The following XRN2 variants were observed in gnomAD, a reference collection of about 807,000 sequenced individuals.
The protein encoded by XRN2 is DHM1-like protein.
Under a neutral mutation model 138.5 loss-of-function variants are expected in XRN2, and 44 were observed. The observed-to-expected ratio is 0.32, with a 90% CI of 0.25 to 0.41. The LOEUF (loss-of-function observed/expected upper bound fraction) is 0.41, where lower values mean the gene tolerates loss of function less well. Ranked by LOEUF, XRN2 falls within the 10% of genes least tolerant of loss-of-function variation. The pLI is 1.00. For synonymous variants in XRN2, 354 were observed against 369.4 expected, an observed-to-expected ratio of 0.96 and a Z score of 0.48; for missense variants, 937 against 1,169.3, an observed-to-expected ratio of 0.80 and a Z score of 2.90.
At chr20:21,351,785 C>G (rs1219383148) in intron 20 of XRN2, among the ~76,000 whole-genome samples, 1 of 152,162 alleles carries the variant, frequency 6.6e-6, no homozygotes, top group African/African-American at 2.4e-5. Flanking sequence ...AATGGTCCAA[C>G]TTCATTCTTT....
chr20:21,326,220 G>T (rs2038126645), intron 1 of XRN2, 59 bp from the exon 2 acceptor site: 2 of 1,553,254 alleles, frequency 1.3e-6, no homozygotes, highest in East Asian at 4.5e-5. Context: ...ATTGAGCCTA[G>T]GATCTGTCAT....
intron 27 of XRN2, among the ~76,000 whole-genome samples, chr20:21,372,665 G>GT (rs954890022): frequency 6.6e-6 from 1 of 152,178 alleles, no homozygotes; most frequent in East Asian, 1.9e-4. Context: ...TTTACATATA[G>GT]TTTTTTATTG....
intron 28 of XRN2, among the ~76,000 whole-genome samples, chr20:21,386,646 T>G (rs956464932): frequency 6.6e-6 from 1 of 152,210 alleles, no homozygotes; most frequent in African/African-American, 2.4e-5. Context: ...AACTTCTCAG[T>G]TGAGTTTAAA....
chr20:21,316,748 T>G lies in XRN2; in HGVS notation c.76-9531T>G, dbSNP rs138187729. ...GGAGTATTGTCATCTTAATGTTGAG[T>G]CTTGTGTTCCATAAATATGGGATGT... On this transcript the variant is annotated intron_variant, in intron 1 of 29. Coordinates refer to ENST00000377191, the MANE Select transcript of XRN2 (RefSeq NM_012255.5). 6.4e-3 allele frequency among the ~76,000 whole-genome samples: 976 copies of G among 152,330 alleles called. 11 individuals carry two copies. Among genetic ancestry groups the G allele is most frequent in the African/African-American group, 0.023 (950 of 41,574 alleles).
intron 24 of XRN2, among the ~76,000 whole-genome samples, chr20:21,360,437 A>C (rs946753988): frequency 4.0e-5 from 6 of 148,676 alleles, no homozygotes; most frequent in Non-Finnish European, 8.9e-5. Flanking sequence ...TGTTGTTTCC[A>C]GCAGTAGTGT....
chr20:21,340,733 G>T lies in XRN2; in HGVS notation c.1291G>T (p.Ala431Ser). ...KRKRMKRDQPAFTPSGILTPH... is the reference protein window; with the variant it reads ...KRKRMKRDQPSFTPSGILTPH... The stretch of plus-strand genomic sequence containing the variant: ...CCATTTATGTTAGAGAGATCAACCA[G>T]CTTTCACTCCTAGTGGAATATTAAC... Residue 431 changes from alanine to serine, a missense_variant, in exon 15 of 30, where the codon GCT becomes TCT. By Grantham distance (99) the Ala-to-Ser change is moderately conservative (BLOSUM62 1). Around this residue, in one of 6 missense-constraint regions of XRN2, gnomAD observed 471 missense variants for 581.2 expected, o/e 0.81. Transcript: ENST00000377191. The T allele has an allele frequency of 6.2e-7, 1 of 1,613,694 alleles. No homozygotes were observed. Among genetic ancestry groups the T allele is most frequent in the Non-Finnish European group, 8.5e-7 (1 of 1,179,748 alleles).
intron 17 of XRN2, among the ~76,000 whole-genome samples, chr20:21,347,619 C>A (rs1414324751): frequency 6.6e-6 from 1 of 152,188 alleles, no homozygotes; most frequent in Non-Finnish European, 1.5e-5. Context: ...CTTTTGTTTT[C>A]TTTTTGCTGT....
chr20:21,326,572 A>C lies in XRN2; in HGVS notation c.286A>C (p.Arg96=), dbSNP rs769920395. ...ACTTTTCAGTATTGTAAGACCAAGA[A>C]GACTTCTCTACATGGCAATAGATGG... ...DRLFSIVRPR[R]LLYMAIDGVA... The change falls in exon 3 of 30, where the codon AGA becomes CGA. Residue 96 remains arginine, a synonymous_variant. Coordinates refer to ENST00000377191, the MANE Select transcript of XRN2 (RefSeq NM_012255.5). 13 of 1,613,898 alleles carry C rather than the reference A, an allele frequency of 8.1e-6. No homozygotes were observed. In the South Asian group the frequency reaches 1.3e-4, roughly 16 times the overall value.
intron 1 of XRN2, among the ~76,000 whole-genome samples, chr20:21,312,173 C>T (rs6047370): frequency 0.68 from 102,854 of 151,492 alleles, 35,594 homozygotes; most frequent in South Asian, 0.84. Context: ...AGTGCAGTGG[C>T]GCGATCTCAG....
intron 27 of XRN2, among the ~76,000 whole-genome samples, chr20:21,372,519 GT>G (rs1200399129): frequency 6.6e-6 from 1 of 152,094 alleles, no homozygotes; most frequent in Non-Finnish European, 1.5e-5. Flanking sequence ...TACAGTACAT[GT>G]TAATTGAATA....
rs748505581 is a variant in XRN2 at position 21,348,322 on chromosome 20, A to G, written c.1774-19A>G. 6.2e-7 allele frequency: 1 copy of G among 1,612,586 alleles called. No individual in the cohort carries two copies. The highest frequency in any genetic ancestry group is 8.5e-7 in the Non-Finnish European group (1 of 1,179,464). On this transcript the variant is annotated intron_variant, in intron 18 of 29. Coordinates refer to ENST00000377191, the MANE Select transcript of XRN2 (RefSeq NM_012255.5). ...ATTAGATAATAATCTTGGGTCTTTAATGTTTTTTCTTTTTTCAGTTTAAAC... is the reference window on the plus strand; with the variant it reads ...ATTAGATAATAATCTTGGGTCTTTAGTGTTTTTTCTTTTTTCAGTTTAAAC...
chr20:21,340,956 T>C, intron 15 of XRN2, 104 bp downstream of exon 15: 1 of 1,378,978 alleles, frequency 7.3e-7, no homozygotes, highest in Non-Finnish European at 1.0e-6. Flanking sequence ...AGTTTTGTTT[T>C]ATAGTTTTTC....
intron 1 of XRN2, chr20:21,303,791 C>A (rs951260452): frequency 4.5e-6 from 5 of 1,114,070 alleles, no homozygotes; most frequent in Non-Finnish European, 3.3e-6. Flanking sequence ...CTCTCCAGAC[C>A]GCGCATTTTG....
chr20:21,371,970 CT>C (rs2122328519), intron 27 of XRN2, among the ~76,000 whole-genome samples: 1 of 152,316 alleles, frequency 6.6e-6, no homozygotes, highest in East Asian at 1.9e-4. Flanking sequence ...TAAATAACTC[CT>C]TATTTGCCAT....
intron 10 of XRN2, 39 bp downstream of exon 10, chr20:21,333,657 A>G (rs1397972970): frequency 6.2e-7 from 1 of 1,614,026 alleles, no homozygotes; most frequent in African/African-American, 1.3e-5. Flanking sequence ...ACTCTAAAGC[A>G]GGGTGCCTTT....
chr20:21,303,348 T>TTTGG lies in XRN2; in HGVS notation c.-48_-45dup. 2 of 1,537,650 alleles carry TTTGG rather than the reference T, an allele frequency of 1.3e-6. No individual in the cohort carries two copies. Among genetic ancestry groups the TTTGG allele is most frequent in the Non-Finnish European group, 1.8e-6 (2 of 1,141,578 alleles). ...TGCCCTCTGCCGCTGCTCCCGTCTC[T>TTTGG]TTGGTTACGCTCGTCAGCCGGTCGG... On this transcript the variant is annotated 5_prime_UTR_variant, in exon 1 of 30. Coordinates refer to ENST00000377191, the MANE Select transcript of XRN2 (RefSeq NM_012255.5).
intron 29 of XRN2, 116 bp downstream of exon 29, chr20:21,387,122 G>A: frequency 7.2e-7 from 1 of 1,397,362 alleles, no homozygotes; most frequent in Non-Finnish European, 9.6e-7. Flanking sequence ...GTAGCTTAGA[G>A]TAGCTTGGCT....
chr20:21,346,640 G>A (rs538252837), intron 17 of XRN2, 90 bp downstream of exon 17: 1 of 1,510,808 alleles, frequency 6.6e-7, no homozygotes, highest in Non-Finnish European at 9.0e-7. Context: ...TTGTTTTTGA[G>A]ACGGAGTCTT....
chr20:21,365,668 C>T lies in XRN2; in HGVS notation c.2420C>T (p.Pro807Leu). The part of the protein sequence containing the change: ...PQLGFNRDRR[P>L]VHLDQAAFRT... ...CTTGGCTTTAACCGTGACCGGAGGC[C>T]TGTGCACCTGGATCAGGCAGCCTTC... is the stretch of plus-strand genomic sequence containing the variant. The change falls in exon 26 of 30, where the codon CCT becomes CTT. Residue 807 changes from proline to leucine, a missense_variant. Coordinates refer to ENST00000377191, the MANE Select transcript of XRN2 (RefSeq NM_012255.5). 8 of 1,575,416 alleles carry T rather than the reference C, an allele frequency of 5.1e-6. No individual in the cohort carries two copies. The highest frequency in any genetic ancestry group is 6.9e-6 in the Non-Finnish European group (8 of 1,161,174).
Sources: allele counts gnomAD v4.1 joint callset (sites outside exome capture counted in the v4.1 genomes callset), GRCh38; gene constraint gnomAD v4.1.1; regional missense constraint gnomAD v4.1.1; transcripts MANE v1.5; gene names NCBI Gene and HGNC (gene_info 2026-07-23, HGNC 2026-07-21).